PTK7: variants seen among roughly 807,000 people sequenced by gnomAD.
PTK7 encodes inactive tyrosine-protein kinase 7.
Under a neutral mutation model 116.6 loss-of-function variants are expected in PTK7, and 39 were observed. That is an observed-to-expected ratio of 0.33 (90% CI 0.26 to 0.44). PTK7 has a LOEUF of 0.44. Ranked by LOEUF, PTK7 falls within the 20% of genes least tolerant of loss-of-function variation. PTK7 has a pLI of 1.00. For synonymous variants in PTK7, 546 were observed against 563.6 expected (o/e 0.97, Z 0.44); for missense variants, 1,169 against 1,425.6 (o/e 0.82, Z 2.90).
At chr6:43,079,537 TA>T (rs1168408682) in intron 1 of PTK7, among the ~76,000 whole-genome samples, 1 of 152,094 alleles carries the variant, frequency 6.6e-6, no homozygotes, top group African/African-American at 2.4e-5. Context: ...TCAAGTCTCT[TA>T]TATAAAATGG....
In PTK7 at chr6:43,129,866, T is replaced by C; in HGVS notation, c.470+37T>C. The stretch of plus-strand genomic sequence containing the variant: ...GGGAGGTGGGGATGAAGAGGGTTAT[T>C]CCGGACAGGGATGTCTCCCCAAATC... On this transcript the variant is annotated intron_variant, in intron 3 of 19. Coordinates refer to ENST00000230419, the MANE Select transcript of PTK7 (RefSeq NM_002821.5). This position sits in a 1 kb window ranked among gnomAD's most constrained non-coding sequence, Gnocchi z 4.5. 6.3e-7 allele frequency: 1 copy of C among 1,587,680 alleles called. No homozygotes were observed. The highest frequency in any genetic ancestry group is 8.6e-7 in the Non-Finnish European group (1 of 1,156,666).
intron 12 of PTK7, 23 bp downstream of exon 12, chr6:43,142,104 C>T (rs1770451491): frequency 6.2e-7 from 1 of 1,612,054 alleles, no homozygotes; most frequent in Non-Finnish European, 8.5e-7. Context: ...CTCTCCCACA[C>T]CCGTCCCTCC....
At chr6:43,101,246 AGGCTGGGCGCGGTG>A (rs1767561463) in intron 1 of PTK7, among the ~76,000 whole-genome samples, 1 of 145,050 alleles carries the variant, frequency 6.9e-6, no homozygotes, top group South Asian at 2.2e-4. Flanking sequence ...AGAAAGAAAG[AGGCTGGGCGCGGTG>A]GAAAGAAAGA....
intron 1 of PTK7, among the ~76,000 whole-genome samples, chr6:43,094,528 G>A (rs1004736097): frequency 2.6e-5 from 4 of 151,056 alleles, no homozygotes; most frequent in Non-Finnish European, 4.4e-5. Flanking sequence ...GCAGTGGCAC[G>A]ATCTCGGCTC....
intron 1 of PTK7, among the ~76,000 whole-genome samples, chr6:43,110,553 A>G (rs1768143493): frequency 6.6e-6 from 1 of 152,060 alleles, no homozygotes. Flanking sequence ...CTGGGATTAC[A>G]GGCATGTGCC....
At chr6:43,083,962 G>A (rs1766515203) in intron 1 of PTK7, among the ~76,000 whole-genome samples, 1 of 152,278 alleles carries the variant, frequency 6.6e-6, no homozygotes, top group South Asian at 2.1e-4. Flanking sequence ...GGTCACCAAA[G>A]TATTGATGAA....
Position 43,146,766 on chromosome 6 carries a change from C to T in PTK7, c.2721+68C>T, listed in dbSNP as rs560820705. ...GGTGGGCCAGGAGCAACAGAGGCACCATTTATTGAGGGCTCTCTATGGGCC... is the reference window on the plus strand; with the variant it reads ...GGTGGGCCAGGAGCAACAGAGGCACTATTTATTGAGGGCTCTCTATGGGCC... On this transcript the variant is annotated intron_variant, in intron 17 of 19. Transcript: ENST00000230419. 6.4e-6 allele frequency: 9 copies of T among 1,413,266 alleles called. No individual in the cohort carries two copies. In the Admixed American group the frequency reaches 1.4e-4, roughly 21 times the overall value. The allele number at this position is 1,413,266 out of a possible 1,614,324, so 87.5% of individuals were successfully genotyped here.
intron 1 of PTK7, among the ~76,000 whole-genome samples, chr6:43,080,037 G>T (rs1050588290): frequency 6.1e-5 from 9 of 148,720 alleles, no homozygotes; most frequent in Non-Finnish European, 1.2e-4. Flanking sequence ...CTTCGGTCTG[G>T]GTGACAGAGT....
chr6:43,085,945 A>AC (rs1233354921), intron 1 of PTK7, among the ~76,000 whole-genome samples: 18 of 150,320 alleles, frequency 1.2e-4, no homozygotes, highest in African/African-American at 4.0e-4. Context: ...AAAAAAAAAA[A>AC]AAAAAAAAAC....
Position 43,141,455 on chromosome 6 carries a change from C to T in PTK7, c.1619-213C>T, listed in dbSNP as rs952093336. Among the ~76,000 whole-genome samples, 3 of 152,090 alleles carry T rather than the reference C, an allele frequency of 2.0e-5. No individual in the cohort carries two copies. Among genetic ancestry groups the T allele is most frequent in the Admixed American group, 6.6e-5 (1 of 15,266 alleles). On this transcript the variant is annotated intron_variant, in intron 10 of 19. Transcript: ENST00000230419. This position sits in a 1 kb window ranked among gnomAD's most constrained non-coding sequence, Gnocchi z 4.9. ...CCGGTTTGGCAGACGTGGAATGTCACACAGGGCAGTAGGAGGAAGAGGTGA... is the reference window on the plus strand; with the variant it reads ...CCGGTTTGGCAGACGTGGAATGTCATACAGGGCAGTAGGAGGAAGAGGTGA...
At chr6:43,079,199 G>A (rs1766226542) in intron 1 of PTK7, among the ~76,000 whole-genome samples, 1 of 151,328 alleles carries the variant, frequency 6.6e-6, no homozygotes. Flanking sequence ...CAGGCCTGGT[G>A]GCTCACGCCT....
At chr6:43,160,263 G>A (rs902976919) in intron 19 of PTK7, among the ~76,000 whole-genome samples, 2 of 152,088 alleles carry the variant, frequency 1.3e-5, no homozygotes, top group African/African-American at 4.8e-5. Context: ...TTACAGGCAC[G>A]CACCTCCACT....
intron 1 of PTK7, among the ~76,000 whole-genome samples, chr6:43,104,687 C>T (rs1360198300): frequency 1.3e-5 from 2 of 152,094 alleles, no homozygotes; most frequent in Non-Finnish European, 2.9e-5. Context: ...CTCAGCCTCC[C>T]AGAGTGCTGG....
chr6:43,151,373 G>A (rs1771070786), intron 17 of PTK7, among the ~76,000 whole-genome samples: 1 of 148,516 alleles, frequency 6.7e-6, no homozygotes, highest in Non-Finnish European at 1.5e-5. Context: ...TACCACGCCC[G>A]GCCAATTTTT....
intron 17 of PTK7, among the ~76,000 whole-genome samples, chr6:43,157,772 G>T (rs1215477854): frequency 1.3e-5 from 2 of 151,768 alleles, no homozygotes; most frequent in Non-Finnish European, 2.9e-5. Context: ...TATTGCCCAG[G>T]CTGGAGTGCA....
chr6:43,126,951 G>A (rs1005267406), intron 1 of PTK7, among the ~76,000 whole-genome samples: 2 of 152,224 alleles, frequency 1.3e-5, no homozygotes, highest in Admixed American at 1.3e-4. Flanking sequence ...GTCAGGAGAT[G>A]TGGGCTGGCA....
chr6:43,094,786 G>GTTT (rs1238454187), intron 1 of PTK7, among the ~76,000 whole-genome samples: 1 of 151,826 alleles, frequency 6.6e-6, no homozygotes, highest in Non-Finnish European at 1.5e-5. Context: ...CCACAAAATT[G>GTTT]TTTTTTAAAA....
chr6:43,082,508 C>T (rs1258345328), intron 1 of PTK7, among the ~76,000 whole-genome samples: 2 of 152,174 alleles, frequency 1.3e-5, no homozygotes, highest in African/African-American at 4.8e-5. Flanking sequence ...GCTCAGGTGA[C>T]TCTGTACCCC....
At chr6:43,107,817 C>A (rs879066203) in intron 1 of PTK7, among the ~76,000 whole-genome samples, 4 of 152,172 alleles carry the variant, frequency 2.6e-5, no homozygotes, top group Admixed American at 2.6e-4. Context: ...ACAAATCGGC[C>A]GATATTTCCT....
Sources: gnomAD v4.1 joint callset for allele counts (sites outside exome capture counted in the v4.1 genomes callset) on GRCh38, gnomAD v4.1.1 for gene constraint, Gnocchi (gnomAD v3.1) non-coding constraint, MANE v1.5 for transcripts, NCBI Gene and HGNC (gene_info 2026-07-23, HGNC 2026-07-21) for gene names.